The following SLC8A2 variants were observed in gnomAD, a reference collection of about 807,000 sequenced individuals.
SLC8A2 encodes the protein sodium/calcium exchanger 2.
SLC8A2 carries 14 observed loss-of-function variants against 70.2 expected under a neutral mutation model. That is an observed-to-expected ratio of 0.20 (90% CI 0.13 to 0.31). The LOEUF (loss-of-function observed/expected upper bound fraction) is 0.31. SLC8A2 is among the 10% of genes least tolerant of loss of function. The pLI is 1.00. For synonymous variants in SLC8A2, 575 were observed against 594.3 expected (o/e 0.97, Z 0.47); for missense variants, 779 against 1,320.1 (o/e 0.59, Z 6.35).
rs1351331793 is a variant in SLC8A2 at position 47,430,981 on chromosome 19, C to T, written c.2390-516G>A. ...TGAGGTGATCCACTCGCCTCGGTCT[C>T]CCAAAGTGCTGGGATTACAGGTATG... On this transcript the variant is annotated intron_variant, in intron 9 of 9. Coordinates refer to ENST00000236877, the MANE Select transcript of SLC8A2 (RefSeq NM_015063.3). This position sits in a 1 kb window ranked among gnomAD's most constrained non-coding sequence, Gnocchi z 5.9. Among the ~76,000 whole-genome samples, 1 of 151,714 alleles carries T rather than the reference C, an allele frequency of 6.6e-6. No homozygotes were observed. Among genetic ancestry groups the T allele is most frequent in the East Asian group, 1.9e-4 (1 of 5,158 alleles).
chr19:47,437,206 A>AT (rs113150151), intron 8 of SLC8A2, among the ~76,000 whole-genome samples: 35,827 of 150,614 alleles, frequency 0.24, 7,568 homozygotes, highest in African/African-American at 0.57. Context: ...TCCTGCTTGT[A>AT]TTTTTTTTAG....
intron 6 of SLC8A2, among the ~76,000 whole-genome samples, chr19:47,439,742 C>A (rs1161063856): frequency 1.3e-5 from 2 of 151,692 alleles, no homozygotes; most frequent in Non-Finnish European, 1.5e-5. Flanking sequence ...CGGCTCACTG[C>A]AACCTCCACT....
At chr19:47,444,314 C>T (rs1368088844) in intron 4 of SLC8A2, among the ~76,000 whole-genome samples, 1 of 152,164 alleles carries the variant, frequency 6.6e-6, no homozygotes, top group African/African-American at 2.4e-5. Context: ...ATTCAAAAGA[C>T]GCATCTCAAC....
In SLC8A2 at chr19:47,465,270, G is replaced by C. The variant is rs185776756; in HGVS notation, c.675+459C>G. ...TATGCAAGGGTAGTATGAATTATGC[G>C]AATGGAGGATGTCTTATTGCAAAAG... On this transcript the variant is annotated intron_variant, in intron 2 of 9. Transcript: ENST00000236877. This position sits in a 1 kb window ranked among gnomAD's most constrained non-coding sequence, Gnocchi z 5.5. 6.6e-6 allele frequency among the ~76,000 whole-genome samples: 1 copy of C among 152,194 alleles called. No homozygotes were observed. Among genetic ancestry groups the C allele is most frequent in the African/African-American group, 2.4e-5 (1 of 41,430 alleles).
intron 4 of SLC8A2, among the ~76,000 whole-genome samples, chr19:47,443,487 C>A (rs571522642): frequency 6.6e-6 from 1 of 152,334 alleles, no homozygotes; most frequent in Non-Finnish European, 1.5e-5. Context: ...CACACAGTCA[C>A]CCAATCGAGG....
At chr19:47,456,833 G>T in intron 3 of SLC8A2, 97 bp downstream of exon 3, 1 of 1,179,706 alleles carries the variant, frequency 8.5e-7, no homozygotes, top group Non-Finnish European at 1.2e-6. Context: ...GAATCCTGCA[G>T]GAGTCAGTTG....
chr19:47,445,792 TAAG>T (rs148494253), intron 4 of SLC8A2, among the ~76,000 whole-genome samples: 3,881 of 152,108 alleles, frequency 0.026, 73 homozygotes, highest in Non-Finnish European at 0.037. Context: ...GGTTGGACTA[TAAG>T]AAGGACCGGA....
chr19:47,457,753 TC>T, intron 2 of SLC8A2, among the ~76,000 whole-genome samples, 159 bp from the exon 3 acceptor site: 1 of 151,012 alleles, frequency 6.6e-6, no homozygotes, highest in Non-Finnish European at 1.5e-5. Flanking sequence ...TTCTTTTCTT[TC>T]TTTCTTTCTT....
rs1348502648 is a variant in SLC8A2, at chr19:47,466,963, A to G, written c.-16-544T>C. ...CCCCAGCTACTCGGGAGGCTGAGGC[A>G]GGAGAATCACTTGAACCTGGGAGGC... On this transcript the variant is annotated intron_variant, in intron 1 of 9. Coordinates refer to ENST00000236877, the MANE Select transcript of SLC8A2 (RefSeq NM_015063.3). The surrounding 1 kb of genome is among the most constrained non-coding windows in gnomAD (Gnocchi z 6.9). Among the ~76,000 whole-genome samples, 1 of 152,186 alleles carries G rather than the reference A, an allele frequency of 6.6e-6. No homozygotes were observed. Among genetic ancestry groups the G allele is most frequent in the Admixed American group, 6.5e-5 (1 of 15,276 alleles).
Position 47,430,503 on chromosome 19 carries a change from GCCGCCACCCACAGGGGCGGGCAT to G in SLC8A2, c.2390-61_2390-39del. 1 of 1,539,142 alleles carries G rather than the reference GCCGCCACCCACAGGGGCGGGCAT, an allele frequency of 6.5e-7. No homozygotes were observed. The highest frequency in any genetic ancestry group is 8.7e-7 in the Non-Finnish European group (1 of 1,146,860). On this transcript the variant is annotated intron_variant, in intron 9 of 9. Coordinates refer to ENST00000236877, the MANE Select transcript of SLC8A2 (RefSeq NM_015063.3). This position sits in a 1 kb window ranked among gnomAD's most constrained non-coding sequence, Gnocchi z 5.9. ...GACATACAGGTCGGAGGGGCTTTGC[GCCGCCACCCACAGGGGCGGGCAT>G]CCGCCTGCCCCCTCCCAGCCTTTCC...
In SLC8A2 at chr19:47,468,713, C is replaced by A. The variant is rs117309483; in HGVS notation, c.-16-2294G>T. ...CCCCTCTGGGGAGCACCCCTCCATT[C>A]CACAGGTGAGAGGACCAAGGCGCAG... On this transcript the variant is annotated intron_variant, in intron 1 of 9. Transcript: ENST00000236877. The surrounding 1 kb of genome is among the most constrained non-coding windows in gnomAD (Gnocchi z 5.1). 5.4e-3 allele frequency among the ~76,000 whole-genome samples: 815 copies of A among 152,306 alleles called. 5 individuals carry two copies. The highest frequency in any genetic ancestry group is 9.4e-3 in the Non-Finnish European group (641 of 68,030).
chr19:47,465,855 G>A lies in SLC8A2; in HGVS notation c.549C>T (p.Val183=). Residue 183 remains valine, a synonymous_variant, in exon 2 of 10, where the codon GTC becomes GTT. Coordinates refer to ENST00000236877, the MANE Select transcript of SLC8A2 (RefSeq NM_015063.3). This position sits in a 1 kb window ranked among gnomAD's most constrained non-coding sequence, Gnocchi z 5.5. ...MFVVIAVCIY[V]IPAGESRKIK... ...TCTTGCGGCTCTCGCCGGCTGGGATGACGTAGATGCACACGGCGATGACCA... is the reference window on the plus strand; with the variant it reads ...TCTTGCGGCTCTCGCCGGCTGGGATAACGTAGATGCACACGGCGATGACCA... 6.2e-7 allele frequency: 1 copy of A among 1,614,168 alleles called. No homozygotes were observed. The highest frequency in any genetic ancestry group is 1.1e-5 in the South Asian group (1 of 91,086).
chr19:47,457,735 C>CTG (rs1967327004), intron 2 of SLC8A2, 141 bp from the exon 3 acceptor site: 8 of 433,248 alleles, frequency 1.8e-5, no homozygotes, highest in African/African-American at 4.2e-5. Flanking sequence ...CTCCCTATCC[C>CTG]TTTCTGTTTC....
At position 47,447,865 on chromosome 19, in the gene SLC8A2, G is replaced by T; in HGVS notation, c.1707C>A (p.Gly569=). The change falls in exon 4 of 10, where the codon GGC becomes GGA. Residue 569 remains glycine, a synonymous_variant. Transcript: ENST00000236877. This position sits in a 1 kb window ranked among gnomAD's most constrained non-coding sequence, Gnocchi z 5.1. The part of the protein sequence containing the change: ...YRTVDGTARG[G]GVHYEDACGE... ...CGCACGCGTCCTCGTAGTGCACGCC[G>T]CCGCCGCGCGCCGTGCCGTCCACCG... 2 of 1,592,698 alleles carry T rather than the reference G, an allele frequency of 1.3e-6. No individual in the cohort carries two copies. Among genetic ancestry groups the T allele is most frequent in the South Asian group, 2.2e-5 (2 of 89,198 alleles).
rs1967172210 is a variant in SLC8A2 at position 47,447,066 on chromosome 19, TC to T, written c.1763+742del. On this transcript the variant is annotated intron_variant, in intron 4 of 9. Coordinates refer to ENST00000236877, the MANE Select transcript of SLC8A2 (RefSeq NM_015063.3). This position sits in a 1 kb window ranked among gnomAD's most constrained non-coding sequence, Gnocchi z 5.1. Reference sequence around the variant, plus strand: ...TCTTTTCCCAAATCCTCGCCCAGATTCGCGTTAGGTGCCCCGCTATTTCCCC... The same window carrying T: ...TCTTTTCCCAAATCCTCGCCCAGATTGCGTTAGGTGCCCCGCTATTTCCCC... Among the ~76,000 whole-genome samples the T allele has an allele frequency of 6.7e-6, 1 of 150,098 alleles. No homozygotes were observed. Among genetic ancestry groups the T allele is most frequent in the Admixed American group, 6.6e-5 (1 of 15,116 alleles).
chr19:47,457,493 G>T lies in SLC8A2; in HGVS notation c.777C>A (p.Arg259=). 1 of 1,608,990 alleles carries T rather than the reference G, an allele frequency of 6.2e-7. No individual in the cohort carries two copies. Among genetic ancestry groups the T allele is most frequent in the Non-Finnish European group, 8.5e-7 (1 of 1,178,458 alleles). The change falls in exon 3 of 10, where the codon CGC becomes CGA. Residue 259 remains arginine (R), a synonymous_variant. Transcript: ENST00000236877. ...RLLFYKYVYK[R]YRTDPRSGII... ...TGCCGCTGCGTGGGTCGGTGCGGTA[G>T]CGCTTGTACACGTACTTGTAGAAGA...
intron 1 of SLC8A2, among the ~76,000 whole-genome samples, chr19:47,471,156 A>G (rs1411090878): frequency 6.6e-6 from 1 of 151,360 alleles, no homozygotes; most frequent in Non-Finnish European, 1.5e-5. Context: ...AGAGAGAGAG[A>G]GACATGCGGA....
At position 47,432,328 on chromosome 19, in the gene SLC8A2, G is replaced by A; in HGVS notation, c.2228C>T (p.Thr743Ile). 1 of 1,613,672 alleles carries A rather than the reference G, an allele frequency of 6.2e-7. No homozygotes were observed. The highest frequency in any genetic ancestry group is 8.5e-7 in the Non-Finnish European group (1 of 1,180,020). Reference protein sequence around the residue: ...WKVLFACVPPTEYCHGWACFG... With the variant: ...WKVLFACVPPIEYCHGWACFG... ...GCAGGCCCAGCCGTGGCAGTACTCGGTGGGGGGCACACAGGCGAAGAGCAC... is the reference window on the plus strand; with the variant it reads ...GCAGGCCCAGCCGTGGCAGTACTCGATGGGGGGCACACAGGCGAAGAGCAC... The change falls in exon 9 of 10, where the codon ACC (threonine) becomes ATC (isoleucine). Residue 743 changes from threonine to isoleucine, a missense_variant. By Grantham distance (89) the Thr-to-Ile change is moderately conservative. Coordinates refer to ENST00000236877, the MANE Select transcript of SLC8A2 (RefSeq NM_015063.3). This position sits in a 1 kb window ranked among gnomAD's most constrained non-coding sequence, Gnocchi z 6.2.
intron 2 of SLC8A2, among the ~76,000 whole-genome samples, chr19:47,458,515 CTCA>C (rs987822899): frequency 2.2e-4 from 32 of 145,808 alleles, no homozygotes; most frequent in Admixed American, 1.5e-3. Flanking sequence ...TTCTCTCCTC[CTCA>C]TTTCTCTCTC....
Sources: gnomAD v4.1 joint callset for allele counts (sites outside exome capture counted in the v4.1 genomes callset) on GRCh38, gnomAD v4.1.1 for gene constraint, Gnocchi (gnomAD v3.1) non-coding constraint, MANE v1.5 for transcripts, NCBI Gene and HGNC (gene_info 2026-07-23, HGNC 2026-07-21) for gene names.